EYS: variants seen among roughly 807,000 people sequenced by gnomAD.
The protein encoded by EYS is EGF-like photoreceptor maintenance factor, also known as protein eyes shut homolog.
In EYS, 250 loss-of-function variants were observed where a neutral mutation model predicts 282.1. The ratio of observed to expected loss-of-function variants is 0.89; its 90% CI spans 0.80 to 0.98. EYS has a LOEUF of 0.98. Among genes scored for constraint, EYS ranks in the 50% least tolerant of loss-of-function variants. EYS has a pLI of 0.00. For missense variants in EYS, 4,016 were observed against 3,709.0 expected (o/e 1.08, Z -2.15); for synonymous variants, 1,355 against 1,282.9 (o/e 1.06, Z -1.20).
chr6:65,275,865 T>C (rs78726778), intron 12 of EYS, among the ~76,000 whole-genome samples: 8,206 of 152,214 alleles, frequency 0.054, 288 homozygotes, highest in Middle Eastern at 0.085. Context: ...AATAGAAAAT[T>C]ACTCTGGATA....
rs910723361 is a variant in EYS at position 65,365,961 on chromosome 6, G to A, written c.1300-12344C>T. On this transcript the variant is annotated intron_variant, in intron 8 of 42. Coordinates refer to ENST00000503581, the MANE Select transcript of EYS (RefSeq NM_001142800.2). The stretch of plus-strand genomic sequence containing the variant: ...AAAACATGACTTTGCAATTGTTATA[G>A]ATAACATAAGAATCATGTAGATACC... Among the ~76,000 whole-genome samples, 2 of 151,656 alleles carry A rather than the reference G, an allele frequency of 1.3e-5. 1 individual carries two copies. The highest frequency in any genetic ancestry group is 1.3e-4 in the Admixed American group (2 of 14,918).
chr6:64,752,070 C>T (rs903144152), intron 22 of EYS, among the ~76,000 whole-genome samples: 1 of 151,890 alleles, frequency 6.6e-6, no homozygotes, highest in African/African-American at 2.4e-5. Flanking sequence ...ATGAAAACAA[C>T]CAACCAAACA....
rs892467230 is a variant in EYS, at chr6:65,003,719, T to C, written c.2138-6016A>G. Reference sequence around the variant, plus strand: ...CTTTATTTCTCAAGCCGGCCGGCACTTAAGGAAAATAGAAAAGAACCTACG... The same window carrying C: ...CTTTATTTCTCAAGCCGGCCGGCACCTAAGGAAAATAGAAAAGAACCTACG... On this transcript the variant is annotated intron_variant, in intron 13 of 42. Coordinates refer to ENST00000503581, the MANE Select transcript of EYS (RefSeq NM_001142800.2). Among the ~76,000 whole-genome samples the C allele has an allele frequency of 3.2e-4, 47 of 147,252 alleles. 2 individuals carry two copies. Among genetic ancestry groups the C allele is most frequent in the African/African-American group, 1.1e-3 (46 of 41,204 alleles).
chr6:64,318,187 C>A (rs1770055063), intron 29 of EYS, among the ~76,000 whole-genome samples: 1 of 151,700 alleles, frequency 6.6e-6, no homozygotes, highest in South Asian at 2.1e-4. Context: ...AAAAAAACAC[C>A]CAGAATTCTC....
At chr6:64,124,350 C>T (rs142516604) in intron 31 of EYS, among the ~76,000 whole-genome samples, 3 of 152,178 alleles carry the variant, frequency 2.0e-5, no homozygotes, top group African/African-American at 4.8e-5. Flanking sequence ...TTTATCTTCT[C>T]TCTAGGGGAA....
chr6:65,601,256 T>C (rs2149790152), intron 2 of EYS, among the ~76,000 whole-genome samples: 1 of 152,056 alleles, frequency 6.6e-6, no homozygotes, highest in African/African-American at 2.4e-5. Flanking sequence ...CATAGGAACA[T>C]ACATTAGCCA....
At chr6:64,971,518 G>A (rs1770293135) in intron 14 of EYS, among the ~76,000 whole-genome samples, 1 of 152,132 alleles carries the variant, frequency 6.6e-6, no homozygotes, top group African/African-American at 2.4e-5. Context: ...TGAAGGCCTG[G>A]ACAATGAGAA....
Position 64,386,856 on chromosome 6 carries a change from C to T in EYS, c.6078+1834G>A, listed in dbSNP as rs543318234. Among the ~76,000 whole-genome samples the T allele has an allele frequency of 7.2e-5, 11 of 152,162 alleles. No homozygotes were observed. The East Asian group carries it at 1.2e-3, about 16-fold the overall frequency. On this transcript the variant is annotated intron_variant, in intron 29 of 42. Coordinates refer to ENST00000503581, the MANE Select transcript of EYS (RefSeq NM_001142800.2). ...ACAAACCTGACTTTGCCATTTCTTA[C>T]GATGTAGTCCTAACCCCTCCAGTTG...
At chr6:64,959,420 G>A (rs1562276550) in intron 14 of EYS, among the ~76,000 whole-genome samples, 1 of 151,762 alleles carries the variant, frequency 6.6e-6, no homozygotes, top group Non-Finnish European at 1.5e-5. Context: ...TTTATTTTTT[G>A]AATTCAGGAA....
chr6:65,495,903 CA>C lies in EYS; in HGVS notation c.-243del. 1 of 161,744 alleles carries C rather than the reference CA, an allele frequency of 6.2e-6. No individual in the cohort carries two copies. Among genetic ancestry groups the C allele is most frequent in the African/African-American group, 2.4e-5 (1 of 41,602 alleles). The allele number at this position is 161,744 out of a possible 1,614,324, so 10.0% of individuals were successfully genotyped here. A position where few individuals can be genotyped will look rare whatever the true frequency, so the allele number is the denominator to read the frequency against. ...TCTTTACACCAAGCTTCAATCTAAT[CA>C]AAACACAGCACAGCCAAGATTCTTT... On this transcript the variant is annotated 5_prime_UTR_variant, in exon 3 of 43. Coordinates refer to ENST00000503581, the MANE Select transcript of EYS (RefSeq NM_001142800.2).
chr6:65,533,569 C>T (rs1052851846), intron 2 of EYS, among the ~76,000 whole-genome samples: 19 of 151,888 alleles, frequency 1.3e-4, no homozygotes, highest in African/African-American at 4.4e-4. Flanking sequence ...GATGAATATC[C>T]CTAATGTGGT....
intron 26 of EYS, among the ~76,000 whole-genome samples, chr6:64,578,416 T>C (rs149734846): frequency 2.4e-4 from 36 of 152,190 alleles, no homozygotes; most frequent in Non-Finnish European, 4.7e-4. Flanking sequence ...TGTGGGCTTT[T>C]CTTCTCCCCT....
At chr6:64,718,182 G>A (rs939300957) in intron 22 of EYS, among the ~76,000 whole-genome samples, 3 of 152,140 alleles carry the variant, frequency 2.0e-5, no homozygotes, top group East Asian at 1.9e-4. Context: ...GGAACACTAG[G>A]TGAATGCATA....
intron 22 of EYS, among the ~76,000 whole-genome samples, chr6:64,747,513 T>C (rs951667014): frequency 4.6e-5 from 7 of 152,180 alleles, no homozygotes; most frequent in African/African-American, 1.7e-4. Flanking sequence ...CCAGAGTAGC[T>C]GGGATTACAG....
In EYS at chr6:64,638,140, T is replaced by C; in HGVS notation, c.3444-11895A>G. 2.2e-5 allele frequency among the ~76,000 whole-genome samples: 2 copies of C among 90,930 alleles called. 1 individual carries two copies. The highest frequency in any genetic ancestry group is 4.7e-5 in the Non-Finnish European group (2 of 42,244). 59.7% of individuals were successfully genotyped at this position (90,930 alleles called of 152,430 possible). A position where few individuals can be genotyped will look rare whatever the true frequency, so the allele number is the denominator to read the frequency against. On this transcript the variant is annotated intron_variant, in intron 22 of 42. Coordinates refer to ENST00000503581, the MANE Select transcript of EYS (RefSeq NM_001142800.2). ...AGTGCATTCTGAGAATACAACTATA[T>C]GATATTTTAAAAATTCTTTATTTTA... is the stretch of plus-strand genomic sequence containing the variant.
intron 36 of EYS, chr6:63,857,365 T>C (rs558910927): frequency 2.6e-4 from 40 of 155,012 alleles, no homozygotes; most frequent in African/African-American, 9.4e-4. Flanking sequence ...TAAGGGAGGA[T>C]AGGAAACTTA....
rs538404235 is a variant in EYS at position 63,892,349 on chromosome 6, C to A, written c.7056-27991G>T. On this transcript the variant is annotated intron_variant, in intron 35 of 42. Transcript: ENST00000503581. ...AAATTAATCTACAAGGCTACAGTAA[C>A]CAAAACAGCATGGTACTGGTACCAA... Among the ~76,000 whole-genome samples the A allele has an allele frequency of 1.2e-4, 19 of 152,242 alleles. No homozygotes were observed. The South Asian group carries it at 3.3e-3, about 27-fold the overall frequency.
At chr6:64,502,426 T>G (rs1777082063) in intron 26 of EYS, among the ~76,000 whole-genome samples, 1 of 152,120 alleles carries the variant, frequency 6.6e-6, no homozygotes, top group South Asian at 2.1e-4. Context: ...TTTCACCGTA[T>G]TAGCCAGGAT....
intron 19 of EYS, among the ~76,000 whole-genome samples, chr6:64,825,863 T>A (rs563518988): frequency 3.2e-4 from 49 of 151,706 alleles, no homozygotes; most frequent in African/African-American, 1.2e-3. Flanking sequence ...GAATCAAAAT[T>A]TCTCTACTGT....
Sources: allele counts gnomAD v4.1 joint callset (sites outside exome capture counted in the v4.1 genomes callset), GRCh38; gene constraint gnomAD v4.1.1; transcripts MANE v1.5; gene names NCBI Gene and HGNC (gene_info 2026-07-23, HGNC 2026-07-21).